GLT1D1: variants seen among roughly 807,000 people sequenced by gnomAD.
GLT1D1 encodes glycosyltransferase 1 domain containing 1, also known as glycosyltransferase 1 domain-containing protein 1.
Under a neutral mutation model 28.7 loss-of-function variants are expected in GLT1D1, and 21 were observed. The observed-to-expected ratio is 0.73, with a 90% CI of 0.52 to 1.05. The LOEUF (loss-of-function observed/expected upper bound fraction) is 1.05. Ranked by LOEUF, GLT1D1 falls within the 50% of genes least tolerant of loss-of-function variation. The probability of loss-of-function intolerance (pLI) is 0.00; values close to 1 mark genes in which losing one functional copy is unlikely to be tolerated. For missense variants in GLT1D1, 343 were observed against 330.6 expected (o/e 1.04, Z -0.29); for synonymous variants, 147 against 124.8 (o/e 1.18, Z -1.19).
At chr12:128,976,471 C>T (rs1478217296) in intron 7 of GLT1D1, among the ~76,000 whole-genome samples, 1 of 152,236 alleles carries the variant, frequency 6.6e-6, no homozygotes, top group Non-Finnish European at 1.5e-5. Context: ...CCGAGGAAAA[C>T]CCGAGATCTT....
intron 1 of GLT1D1, among the ~76,000 whole-genome samples, chr12:128,869,097 G>T (rs188896622): frequency 2.1e-4 from 32 of 152,312 alleles, no homozygotes; most frequent in African/African-American, 7.5e-4. Flanking sequence ...TCGAACTCCT[G>T]ACCTCAGTTG....
intron 3 of GLT1D1, among the ~76,000 whole-genome samples, chr12:128,896,381 A>G (rs1048250400): frequency 3.3e-5 from 5 of 152,286 alleles, no homozygotes; most frequent in Admixed American, 1.3e-4. Flanking sequence ...GGCTGTCCCA[A>G]TGCAATGTAG....
At chr12:128,854,504 A>G (rs376175143) in intron 1 of GLT1D1, among the ~76,000 whole-genome samples, 1 of 150,924 alleles carries the variant, frequency 6.6e-6, no homozygotes, top group African/African-American at 2.4e-5. Flanking sequence ...TTCCCCATCA[A>G]TTTATTTTTT....
intron 4 of GLT1D1, 47 bp from the exon 9 acceptor site, chr12:128,945,279 C>T (rs375944869): frequency 1.1e-5 from 17 of 1,601,018 alleles, no homozygotes; most frequent in Non-Finnish European, 1.4e-5. Context: ...GCTGGCAGCG[C>T]CACTAGCAGG....
At chr12:128,892,561 C>T (rs997975210) in intron 3 of GLT1D1, among the ~76,000 whole-genome samples, 8 of 152,080 alleles carry the variant, frequency 5.3e-5, no homozygotes, top group Admixed American at 2.0e-4. Flanking sequence ...AAAGCAAACA[C>T]GGATTTCTAT....
At chr12:128,967,199 A>G (rs60608123) in intron 7 of GLT1D1, among the ~76,000 whole-genome samples, 5,509 of 152,104 alleles carry the variant, frequency 0.036, 332 homozygotes, top group African/African-American at 0.12. Flanking sequence ...GCATTTATCC[A>G]GAATGGGCTG....
At chr12:128,872,354 G>C (rs1956713126) in intron 1 of GLT1D1, among the ~76,000 whole-genome samples, 1 of 152,214 alleles carries the variant, frequency 6.6e-6, no homozygotes, top group East Asian at 1.9e-4. Context: ...GTGCAGAGGG[G>C]TTATAACAGA....
rs1410006583 is a variant in GLT1D1, at chr12:128,958,507, G to A, written c.639+864G>A. Among the ~76,000 whole-genome samples, 10 of 150,646 alleles carry A rather than the reference G, an allele frequency of 6.6e-5. No individual in the cohort carries two copies. In the Admixed American group the frequency reaches 6.6e-4, roughly 10 times the overall value. On this transcript the variant is annotated intron_variant, in intron 7 of 7. Coordinates refer to ENST00000281703, the MANE Select transcript of GLT1D1 (RefSeq NM_144669.3). ...TGTAATCCCAGCACTTTGGGAGGCT[G>A]AGGTGGTAGGATCATTTGAGGTCAG...
rs760747753 is a variant in GLT1D1, at chr12:128,927,412, G to A, written c.376-17914G>A. Among the ~76,000 whole-genome samples, 14 of 151,884 alleles carry A rather than the reference G, an allele frequency of 9.2e-5. 1 individual carries two copies. Among genetic ancestry groups the A allele is most frequent in the Admixed American group, 2.6e-4 (4 of 15,246 alleles). The stretch of plus-strand genomic sequence containing the variant: ...CACCACCATGCCTGGCTAACTTTTT[G>A]TATTTTTAGTAGAGACAGGGTTTCA... On this transcript the variant is annotated intron_variant, in intron 4 of 7. Transcript: ENST00000281703.
chr12:128,927,201 A>G lies in GLT1D1; in HGVS notation c.376-18125A>G. The G allele has an allele frequency of 2.2e-6, 3 of 1,355,430 alleles. No homozygotes were observed. In the South Asian group the frequency reaches 3.8e-5, roughly 17 times the overall value. The allele number at this position is 1,355,430 out of a possible 1,614,324, so 84.0% of individuals were successfully genotyped here. On this transcript the variant is annotated intron_variant, in intron 4 of 7. Coordinates refer to ENST00000281703, the MANE Select transcript of GLT1D1 (RefSeq NM_144669.3). ...ACTTATCTCATCTCTGTTTTCCTCTATATACTTTTTATGTATTTTCTACAA... is the reference window on the plus strand; with the variant it reads ...ACTTATCTCATCTCTGTTTTCCTCTGTATACTTTTTATGTATTTTCTACAA...
chr12:128,965,471 C>T (rs931524095), intron 7 of GLT1D1, among the ~76,000 whole-genome samples: 22 of 152,194 alleles, frequency 1.4e-4, no homozygotes, highest in African/African-American at 5.3e-4. Context: ...GAAAAGTCAG[C>T]TCTGCTATGT....
chr12:128,946,626 C>T (rs1876119818), intron 5 of GLT1D1, among the ~76,000 whole-genome samples: 1 of 145,958 alleles, frequency 6.9e-6, no homozygotes, highest in Non-Finnish European at 1.5e-5. Flanking sequence ...AGCCACTGCG[C>T]CCGGCCTCCT....
At chr12:128,923,516 T>A (rs1872858276) in intron 4 of GLT1D1, among the ~76,000 whole-genome samples, 1 of 151,798 alleles carries the variant, frequency 6.6e-6, no homozygotes, top group South Asian at 2.1e-4. Flanking sequence ...GATCCCTCAC[T>A]TTTTTTCTTT....
chr12:128,947,219 T>G (rs1593174555), intron 5 of GLT1D1, 119 bp from the exon 10 acceptor site: 2 of 1,146,444 alleles, frequency 1.7e-6, no homozygotes, highest in African/African-American at 3.0e-5. Flanking sequence ...GAACGCTTGG[T>G]CAACAATGCT....
At chr12:128,959,723 A>G (rs1877744179) in intron 7 of GLT1D1, among the ~76,000 whole-genome samples, 2 of 152,158 alleles carry the variant, frequency 1.3e-5, no homozygotes, top group African/African-American at 2.4e-5. Flanking sequence ...TGATTCTCCA[A>G]ACAAAGGCTT....
At chr12:128,953,904 C>A (rs1248962829) in intron 6 of GLT1D1, among the ~76,000 whole-genome samples, 1 of 151,812 alleles carries the variant, frequency 6.6e-6, no homozygotes, top group Non-Finnish European at 1.5e-5. Flanking sequence ...AGCCACCATG[C>A]CTGGCTAATT....
chr12:128,928,666 G>T (rs925544231), intron 4 of GLT1D1, among the ~76,000 whole-genome samples: 3 of 151,388 alleles, frequency 2.0e-5, no homozygotes, highest in African/African-American at 7.3e-5. Context: ...TGTCACCCAG[G>T]CTAGAGTACA....
At chr12:128,909,532 T>C (rs542931498) in intron 4 of GLT1D1, among the ~76,000 whole-genome samples, 1 of 152,350 alleles carries the variant, frequency 6.6e-6, no homozygotes, top group East Asian at 1.9e-4. Context: ...AGTCTGAAGT[T>C]GTATTATAAT....
At chr12:128,950,855 A>T (rs1876622177) in intron 6 of GLT1D1, among the ~76,000 whole-genome samples, 1 of 152,200 alleles carries the variant, frequency 6.6e-6, no homozygotes. Flanking sequence ...AGGAGCAGAG[A>T]GTAGAATGGT....
Sources: allele counts gnomAD v4.1 joint callset (sites outside exome capture counted in the v4.1 genomes callset), GRCh38; gene constraint gnomAD v4.1.1; transcripts MANE v1.5; gene names NCBI Gene and HGNC (gene_info 2026-07-23, HGNC 2026-07-21).